The following ARHGAP24 variants were observed in gnomAD, a reference collection of about 807,000 sequenced individuals.
ARHGAP24 encodes Rho GTPase activating protein 24.
A neutral mutation model predicts 76.4 loss-of-function variants in ARHGAP24; 50 were observed. The observed-to-expected ratio is 0.65, with a 90% CI of 0.52 to 0.83. ARHGAP24 has a LOEUF of 0.83. Ranked by LOEUF, ARHGAP24 falls within the 40% of genes least tolerant of loss-of-function variation. ARHGAP24 has a pLI of 0.00. For synonymous variants in ARHGAP24, 345 were observed against 323.3 expected, an observed-to-expected ratio of 1.07 and a Z score of -0.72; for missense variants, 930 against 914.2, an observed-to-expected ratio of 1.02 and a Z score of -0.22.
At chr4:85,625,112 A>T (rs898052870) in intron 2 of ARHGAP24, among the ~76,000 whole-genome samples, 5 of 152,076 alleles carry the variant, frequency 3.3e-5, no homozygotes, top group Admixed American at 6.5e-5. Flanking sequence ...GCCTTCTGCT[A>T]GCTTTTGAAT....
intron 3 of ARHGAP24, among the ~76,000 whole-genome samples, chr4:85,845,741 A>G (rs975095867): frequency 2.0e-5 from 3 of 152,224 alleles, no homozygotes; most frequent in Non-Finnish European, 2.9e-5. Context: ...ATGTTAATAG[A>G]GTTAAAAATA....
intron 1 of ARHGAP24, among the ~76,000 whole-genome samples, chr4:85,480,999 A>G (rs1560502939): frequency 6.6e-6 from 1 of 152,142 alleles, no homozygotes; most frequent in South Asian, 2.1e-4. Flanking sequence ...AAATTCTCCA[A>G]AAAGGGAGAA....
chr4:85,559,372 A>G (rs1426906583), intron 1 of ARHGAP24, among the ~76,000 whole-genome samples: 1 of 152,228 alleles, frequency 6.6e-6, no homozygotes, highest in Non-Finnish European at 1.5e-5. Context: ...AAATTGAACA[A>G]ATTAACATAA....
chr4:86,001,613 A>G lies in ARHGAP24; in HGVS notation c.*891A>G, dbSNP rs1741022546. On this transcript the variant is annotated 3_prime_UTR_variant, in exon 10 of 10. Coordinates refer to ENST00000395184, the MANE Select transcript of ARHGAP24 (RefSeq NM_001025616.3). ...CCTGCTACTTAGGTACTGGGAAACA[A>G]TGCTTGCTAAACCATGCCCACGTGA... is the stretch of plus-strand genomic sequence containing the variant. 3 of 393,926 alleles carry G rather than the reference A, an allele frequency of 7.6e-6. No homozygotes were observed. Among genetic ancestry groups the G allele is most frequent in the Non-Finnish European group, 4.5e-6 (1 of 223,790 alleles). 24.4% of individuals were successfully genotyped at this position (393,926 alleles called of 1,614,324 possible). A position where few individuals can be genotyped will look rare whatever the true frequency, so the allele number is the denominator to read the frequency against.
chr4:85,741,890 T>C (rs1489430246), intron 3 of ARHGAP24, among the ~76,000 whole-genome samples: 1 of 152,228 alleles, frequency 6.6e-6, no homozygotes, highest in Non-Finnish European at 1.5e-5. Flanking sequence ...CACCATTCTA[T>C]GTGGTCTGAT....
At chr4:85,795,047 C>T (rs939676653) in intron 3 of ARHGAP24, among the ~76,000 whole-genome samples, 8 of 152,190 alleles carry the variant, frequency 5.3e-5, no homozygotes, top group Non-Finnish European at 1.5e-5. Context: ...TTTCGGAATT[C>T]GTAGATAATC....
At chr4:85,967,049 G>T (rs958089140) in intron 5 of ARHGAP24, among the ~76,000 whole-genome samples, 1 of 152,072 alleles carries the variant, frequency 6.6e-6, no homozygotes, top group Non-Finnish European at 1.5e-5. Flanking sequence ...TGTTTATGAG[G>T]AAAGGAGGAA....
At chr4:85,683,309 C>T (rs765560483) in intron 2 of ARHGAP24, among the ~76,000 whole-genome samples, 12 of 152,014 alleles carry the variant, frequency 7.9e-5, no homozygotes, top group Non-Finnish European at 1.8e-4. Context: ...TTCTCTCACA[C>T]GTTGTAATGG....
intron 3 of ARHGAP24, among the ~76,000 whole-genome samples, chr4:85,802,207 C>T (rs556665633): frequency 5.3e-5 from 8 of 152,164 alleles, no homozygotes; most frequent in African/African-American, 9.6e-5. Flanking sequence ...GCTAACCAAA[C>T]GACTTTACCT....
chr4:85,825,627 GCAGGAC>G (rs1227438172), intron 3 of ARHGAP24, among the ~76,000 whole-genome samples: 1 of 152,072 alleles, frequency 6.6e-6, no homozygotes, highest in Non-Finnish European at 1.5e-5. Flanking sequence ...TGAAAAACAA[GCAGGAC>G]CCAATTTAAA....
intron 3 of ARHGAP24, among the ~76,000 whole-genome samples, chr4:85,916,905 CT>C (rs930287182): frequency 8.6e-5 from 13 of 152,032 alleles, no homozygotes; most frequent in Non-Finnish European, 1.3e-4. Context: ...GACATCACTT[CT>C]TTTTTTTATT....
intron 2 of ARHGAP24, among the ~76,000 whole-genome samples, chr4:85,621,399 TTC>T (rs1316339511): frequency 6.6e-6 from 1 of 152,168 alleles, no homozygotes; most frequent in African/African-American, 2.4e-5. Flanking sequence ...TGTATAAATG[TTC>T]TTTTTTCTTC....
At chr4:85,591,616 A>G (rs1293546709) in intron 2 of ARHGAP24, among the ~76,000 whole-genome samples, 9 of 152,232 alleles carry the variant, frequency 5.9e-5, no homozygotes, top group Admixed American at 5.2e-4. Context: ...CACAAGTCAC[A>G]TAAATTCACA....
chr4:85,987,789 A>AT (rs1056275732), intron 8 of ARHGAP24, among the ~76,000 whole-genome samples: 7 of 151,870 alleles, frequency 4.6e-5, no homozygotes, highest in African/African-American at 1.4e-4. Flanking sequence ...AAAAATACTC[A>AT]TTTTTTTCAC....
intron 3 of ARHGAP24, among the ~76,000 whole-genome samples, chr4:85,785,824 G>T (rs1266784908): frequency 6.6e-6 from 1 of 152,058 alleles, no homozygotes; most frequent in African/African-American, 2.4e-5. Context: ...ATATTATTTT[G>T]CTATAACTGC....
rs796855819 is a variant in ARHGAP24, at chr4:85,552,642, G to A, written c.-20-17880G>A. On this transcript the variant is annotated intron_variant, in intron 1 of 9. Transcript: ENST00000395184. ...TATTGACATCTCCCGTGATTATTGT[G>A]TAGAAATCTTACTCTCTTTGTAGGT... Among the ~76,000 whole-genome samples, 41 of 152,238 alleles carry A rather than the reference G, an allele frequency of 2.7e-4. 1 individual carries two copies. Among genetic ancestry groups the A allele is most frequent in the African/African-American group, 4.3e-4 (18 of 41,528 alleles).
chr4:85,992,929 A>C (rs768992067), intron 8 of ARHGAP24, among the ~76,000 whole-genome samples: 5 of 152,170 alleles, frequency 3.3e-5, no homozygotes, highest in Non-Finnish European at 7.4e-5. Flanking sequence ...AAATTGCAGC[A>C]GCTGAAATAT....
intron 3 of ARHGAP24, among the ~76,000 whole-genome samples, chr4:85,833,726 G>A (rs1730116037): frequency 6.6e-6 from 1 of 152,172 alleles, no homozygotes; most frequent in Non-Finnish European, 1.5e-5. Context: ...AGTGTTAGTA[G>A]AAACTTGGAA....
intron 2 of ARHGAP24, among the ~76,000 whole-genome samples, chr4:85,623,930 G>T (rs1001522791): frequency 2.6e-5 from 4 of 151,728 alleles, no homozygotes; most frequent in South Asian, 2.1e-4. Context: ...TTTTTGCACA[G>T]TGATTTTGTA....
Sources: allele counts gnomAD v4.1 joint callset (sites outside exome capture counted in the v4.1 genomes callset), GRCh38; gene constraint gnomAD v4.1.1; transcripts MANE v1.5; gene names NCBI Gene and HGNC (gene_info 2026-07-23, HGNC 2026-07-21).